The following CPLX2 variants were observed in gnomAD, a reference collection of about 807,000 sequenced individuals.
CPLX2 encodes complexin-2.
In CPLX2, 5 loss-of-function variants were observed where a neutral mutation model predicts 16.3. The observed-to-expected ratio is 0.31, with a 90% CI of 0.16 to 0.64. The LOEUF (loss-of-function observed/expected upper bound fraction) is 0.64. CPLX2 is among the 30% of genes least tolerant of loss of function. CPLX2 has a pLI of 0.79. For synonymous variants in CPLX2, 89 were observed against 73.2 expected, an observed-to-expected ratio of 1.22 and a Z score of -1.10; for missense variants, 144 against 181.4, an observed-to-expected ratio of 0.79 and a Z score of 1.18.
intron 2 of CPLX2, among the ~76,000 whole-genome samples, chr5:175,815,610 T>A (rs1390080688): frequency 1.3e-5 from 2 of 151,896 alleles, no homozygotes; most frequent in Non-Finnish European, 2.9e-5. Context: ...AACAATTAAA[T>A]GTTGTGTTGA....
chr5:175,840,668 C>T (rs1028489899), intron 2 of CPLX2, among the ~76,000 whole-genome samples: 1 of 152,244 alleles, frequency 6.6e-6, no homozygotes, highest in Non-Finnish European at 1.5e-5. Flanking sequence ...CACTGTTTTC[C>T]TAATGCAAAG....
chr5:175,841,476 A>G (rs996872855), intron 2 of CPLX2, among the ~76,000 whole-genome samples: 5 of 152,230 alleles, frequency 3.3e-5, no homozygotes, highest in Non-Finnish European at 7.3e-5. Context: ...GAATAGAGGC[A>G]ACCAGAGCAG....
At chr5:175,831,931 C>T (rs1212766662) in intron 2 of CPLX2, among the ~76,000 whole-genome samples, 1 of 152,170 alleles carries the variant, frequency 6.6e-6, no homozygotes, top group East Asian at 1.9e-4. Flanking sequence ...AAGCTGGGGG[C>T]ACGAGTTATG....
intron 2 of CPLX2, among the ~76,000 whole-genome samples, chr5:175,863,649 G>C (rs1159614777): frequency 1.3e-5 from 2 of 152,104 alleles, no homozygotes; most frequent in African/African-American, 4.8e-5. Flanking sequence ...TCCTTTTCTT[G>C]TTTGCCAAAT....
chr5:175,838,266 C>CTTTTTTTTTTTTTTTTTTTTT (rs1156770920), intron 2 of CPLX2, among the ~76,000 whole-genome samples: 1 of 116,782 alleles, frequency 8.6e-6, no homozygotes, highest in African/African-American at 3.3e-5. Flanking sequence ...CCCCTCCTGT[C>CTTTTTTTTTTTTTTTTTTTTT]TTTTTTTTTT....
chr5:175,833,653 T>A (rs1312239996), intron 2 of CPLX2, among the ~76,000 whole-genome samples: 2 of 152,038 alleles, frequency 1.3e-5, no homozygotes, highest in Non-Finnish European at 2.9e-5. Flanking sequence ...GTTTGACACA[T>A]CCACTGGGCA....
rs1222834140 is a variant in CPLX2, at chr5:175,845,176, G to A, written c.-88-33476G>A. Among the ~76,000 whole-genome samples, 1 of 152,222 alleles carries A rather than the reference G, an allele frequency of 6.6e-6. No individual in the cohort carries two copies. The highest frequency in any genetic ancestry group is 1.5e-5 in the Non-Finnish European group (1 of 68,050). On this transcript the variant is annotated intron_variant, in intron 2 of 4. Transcript: ENST00000359546. This position sits in a 1 kb window ranked among gnomAD's most constrained non-coding sequence, Gnocchi z 4.0. The stretch of plus-strand genomic sequence containing the variant: ...TTTTCTCTTCACAACCACTCTGTGT[G>A]GGAGTCAACAGCAGACACCTTTTCC...
chr5:175,871,448 A>AGAAAGAGAGAGAGAGAGG (rs1561790409), upstream of CPLX2: 1 of 109,684 alleles, frequency 9.1e-6, no homozygotes, highest in African/African-American at 3.2e-5. Flanking sequence ...AGAGAGAGAG[A>AGAAAGAGAGAGAGAGAGG]GAGAGAGAGA....
At chr5:175,835,905 A>C (rs1758823903) in intron 2 of CPLX2, among the ~76,000 whole-genome samples, 1 of 151,406 alleles carries the variant, frequency 6.6e-6, no homozygotes, top group Admixed American at 6.6e-5. Context: ...CGCCTAGCTA[A>C]GTTTCATATT....
intron 2 of CPLX2, among the ~76,000 whole-genome samples, chr5:175,810,398 T>G (rs1047924605): frequency 6.6e-6 from 1 of 152,228 alleles, no homozygotes; most frequent in Non-Finnish European, 1.5e-5. Context: ...TTGTCTCCAA[T>G]GTCTTGGCAT....
Position 175,864,464 on chromosome 5 carries a change from A to G in CPLX2, c.-88-14188A>G, listed in dbSNP as rs1759429511. ...CTCAGAGCTCCCTCTTCACTAAGAC[A>G]GCACTTAACATGTTGTATGGTCATT... On this transcript the variant is annotated intron_variant, in intron 2 of 4. Coordinates refer to the CPLX2 transcript ENST00000359546. 2.0e-5 allele frequency among the ~76,000 whole-genome samples: 3 copies of G among 152,178 alleles called. No individual in the cohort carries two copies. The South Asian group carries it at 6.2e-4, about 32-fold the overall frequency.
Position 175,799,548 on chromosome 5 carries a change from A to ATTTTTATATATT in CPLX2, c.-169+2765_-169+2766insTTTTATATATTT, listed in dbSNP as rs33953622. On this transcript the variant is annotated intron_variant, in intron 1 of 4. Transcript: ENST00000359546. ...ATCCCTTTGCAAATTTCATATATAT[A>ATTTTTATATATT]TATATATATATATATATATATATAT... Among the ~76,000 whole-genome samples the ATTTTTATATATT allele has an allele frequency of 3.2e-3, 403 of 125,466 alleles. 16 individuals are homozygous for ATTTTTATATATT. In the East Asian group the frequency reaches 0.04, roughly 12 times the overall value. 82.3% of individuals were successfully genotyped at this position (125,466 alleles called of 152,430 possible).
At chr5:175,836,076 C>A (rs68153620) in intron 2 of CPLX2, among the ~76,000 whole-genome samples, 30,839 of 152,012 alleles carry the variant, frequency 0.2, 3,296 homozygotes, top group Non-Finnish European at 0.24. Context: ...CTAGGCCAGG[C>A]GCGGTGGCTC....
intron 2 of CPLX2, among the ~76,000 whole-genome samples, chr5:175,842,027 G>A (rs1261473269): frequency 6.6e-6 from 1 of 152,124 alleles, no homozygotes; most frequent in African/African-American, 2.4e-5. Flanking sequence ...CCTCCCATAG[G>A]CCCTCCCTTC....
chr5:175,807,284 G>C (rs969826212), intron 1 of CPLX2, among the ~76,000 whole-genome samples: 1 of 152,228 alleles, frequency 6.6e-6, no homozygotes, highest in African/African-American at 2.4e-5. Flanking sequence ...TGGAACAAAA[G>C]TTTACTAAGC....
intron 2 of CPLX2, among the ~76,000 whole-genome samples, chr5:175,834,836 T>C (rs1758797903): frequency 2.0e-5 from 3 of 152,166 alleles, no homozygotes; most frequent in African/African-American, 7.2e-5. Context: ...ATCGCACCAC[T>C]GCACTCCAGC....
At chr5:175,821,476 C>T (rs1361990035) in intron 2 of CPLX2, among the ~76,000 whole-genome samples, 4 of 152,108 alleles carry the variant, frequency 2.6e-5, no homozygotes, top group East Asian at 1.9e-4. Context: ...GGCGCGATCT[C>T]GGCTCATTGC....
Position 175,829,455 on chromosome 5 carries a change from GTTC to G in CPLX2, c.-89+20388_-89+20390del, listed in dbSNP as rs1758689559. Among the ~76,000 whole-genome samples, 3 of 152,316 alleles carry G rather than the reference GTTC, an allele frequency of 2.0e-5. No individual in the cohort carries two copies. The South Asian group carries it at 6.2e-4, about 32-fold the overall frequency. On this transcript the variant is annotated intron_variant, in intron 2 of 4. Coordinates refer to the CPLX2 transcript ENST00000359546. ...TCATCCAGAGCCACACCTGACCCCA[GTTC>G]CTGCTGTCACTCTTTGCTAAAAGAT... is the stretch of plus-strand genomic sequence containing the variant.
At position 175,803,659 on chromosome 5, in the gene CPLX2, G is replaced by A. The variant is rs1270973115; in HGVS notation, c.-168-5330G>A. 2.6e-5 allele frequency among the ~76,000 whole-genome samples: 4 copies of A among 152,232 alleles called. No individual in the cohort carries two copies. In the East Asian group the frequency reaches 7.7e-4, roughly 29 times the overall value. ...TAAGGCTTGGGTTAGGCAGGACCTTGAAGGCTGAGGGAGTCTCTTTGGGAG... is the reference window on the plus strand; with the variant it reads ...TAAGGCTTGGGTTAGGCAGGACCTTAAAGGCTGAGGGAGTCTCTTTGGGAG... On this transcript the variant is annotated intron_variant, in intron 1 of 4. Transcript: ENST00000359546.
Sources: allele counts gnomAD v4.1 joint callset (sites outside exome capture counted in the v4.1 genomes callset), GRCh38; gene constraint gnomAD v4.1.1; non-coding constraint Gnocchi (gnomAD v3.1); transcripts MANE v1.5; gene names NCBI Gene and HGNC (gene_info 2026-07-23, HGNC 2026-07-21).